Variants in PROZ observed in about 807,000 individuals in gnomAD.
The protein encoded by PROZ is vitamin K-dependent protein Z.
In PROZ, 46 loss-of-function variants were observed where a neutral mutation model predicts 34.9. That is an observed-to-expected ratio of 1.32 (90% CI 1.04 to 1.69). The LOEUF is 1.69. Among genes scored for constraint, PROZ ranks in the 40% most tolerant of loss-of-function variants. The pLI is 0.00. For synonymous variants in PROZ, 195 were observed against 208.5 expected, an observed-to-expected ratio of 0.94 and a Z score of 0.56; for missense variants, 530 against 520.4, an observed-to-expected ratio of 1.02 and a Z score of -0.18.
Position 113,163,129 on chromosome 13 carries a change from C to G in PROZ, c.373+7C>G. 2 of 1,542,028 alleles carry G rather than the reference C, an allele frequency of 1.3e-6. No homozygotes were observed. The highest frequency in any genetic ancestry group is 1.8e-6 in the Non-Finnish European group (2 of 1,138,508). ...GGCAGCAACTGCGAGCTGGGTGAGG[C>G]CCCGGCCGTCCCCTTCCCCCAAGGG... is the stretch of plus-strand genomic sequence containing the variant. On this transcript the variant is annotated splice_region_variant and intron_variant, in intron 4 of 7. Coordinates refer to ENST00000375547, the MANE Select transcript of PROZ (RefSeq NM_003891.3).
At chr13:113,160,886 C>T (rs513479) in intron 2 of PROZ, 62 bp from the exon 3 acceptor site, 265,440 of 1,399,162 alleles carry the variant, frequency 0.19, 28,459 homozygotes, top group South Asian at 0.4. Context: ...AGTTCATCTA[C>T]AGGAAAGAAT....
At position 113,161,111 on chromosome 13, in the gene PROZ, G is replaced by A. The variant is rs937112903; in HGVS notation, c.259+139G>A. 139 of 808,988 alleles carry A rather than the reference G, an allele frequency of 1.7e-4. 1 individual carries two copies. Among genetic ancestry groups the A allele is most frequent in the Non-Finnish European group, 2.5e-4 (113 of 459,730 alleles). 50.1% of individuals were successfully genotyped at this position (808,988 alleles called of 1,614,324 possible). A position where few individuals can be genotyped will look rare whatever the true frequency, so the allele number is the denominator to read the frequency against. On this transcript the variant is annotated intron_variant, in intron 3 of 7. Transcript: ENST00000375547. ...GGACCCACGGTGTCTCTCCAGGGAA[G>A]GGCAGCTCCGACTCTCCCCAAGGAC...
intron 7 of PROZ, 142 bp downstream of exon 7, chr13:113,170,672 T>C: frequency 1.5e-6 from 1 of 651,260 alleles, no homozygotes; most frequent in Non-Finnish European, 2.7e-6. Flanking sequence ...GAGATACTTA[T>C]CAACTCAGGA....
chr13:113,170,063 C>A (rs1733250979), intron 6 of PROZ, among the ~76,000 whole-genome samples: 1 of 152,190 alleles, frequency 6.6e-6, no homozygotes, highest in Non-Finnish European at 1.5e-5. Context: ...GTAGCTGAGA[C>A]CGTTGTTTCT....
At position 113,172,310 on chromosome 13, in the gene PROZ, T is replaced by C. The variant is rs768286890; in HGVS notation, c.*205T>C. 3 of 646,100 alleles carry C rather than the reference T, an allele frequency of 4.6e-6. No individual in the cohort carries two copies. The highest frequency in any genetic ancestry group is 8.1e-6 in the Non-Finnish European group (3 of 371,450). The allele number at this position is 646,100 out of a possible 1,614,324, so 40.0% of individuals were successfully genotyped here. ...TGACCTTTCTTTCCCTGGAACTCTT[T>C]ATCTCAATAGAGACCTTAAAAGAAA... is the stretch of plus-strand genomic sequence containing the variant. On this transcript the variant is annotated 3_prime_UTR_variant, in exon 8 of 8. Transcript: ENST00000375547.
chr13:113,171,802 C>T lies in PROZ; in HGVS notation c.900C>T (p.Leu300=), dbSNP rs74115810. The T allele has an allele frequency of 6.2e-7, 1 of 1,613,566 alleles. No individual in the cohort carries two copies. Among genetic ancestry groups the T allele is most frequent in the African/African-American group, 1.3e-5 (1 of 75,054 alleles). The stretch of plus-strand genomic sequence containing the variant: ...TCATCCCACGCACCAGGGGCCTCCT[C>T]AGCGGCTGGGCACGCAATGGCACTG... ...HLLIPRTRGL[L]SGWARNGTDL... The change falls in exon 8 of 8, where the codon CTC becomes CTT. Residue 300 remains leucine, a synonymous_variant. Coordinates refer to ENST00000375547, the MANE Select transcript of PROZ (RefSeq NM_003891.3). The surrounding 1 kb of genome is among the most constrained non-coding windows in gnomAD (Gnocchi z 5.1).
chr13:113,163,115 C>T lies in PROZ; in HGVS notation c.366C>T (p.Cys122=), dbSNP rs1423709788. The T allele has an allele frequency of 9.0e-6, 14 of 1,552,152 alleles. No homozygotes were observed. Among genetic ancestry groups the T allele is most frequent in the East Asian group, 4.9e-5 (2 of 41,104 alleles). Reference sequence around the variant, plus strand: ...CCCCCGGCTATGAGGGCAGCAACTGCGAGCTGGGTGAGGCCCCGGCCGTCC... The same window carrying T: ...CCCCCGGCTATGAGGGCAGCAACTGTGAGCTGGGTGAGGCCCCGGCCGTCC... ...TCSPGYEGSN[C]ELAKNECHPE... is the part of the protein sequence containing the mutation. Residue 122 remains cysteine, a synonymous_variant, in exon 4 of 8, where the codon TGC becomes TGT. Transcript: ENST00000375547.
chr13:113,167,186 C>T (rs578188567), intron 6 of PROZ, among the ~76,000 whole-genome samples: 1 of 152,186 alleles, frequency 6.6e-6, no homozygotes, highest in Non-Finnish European at 1.5e-5. Flanking sequence ...CACTAAAAGT[C>T]TGGCAGACTG....
intron 6 of PROZ, among the ~76,000 whole-genome samples, chr13:113,167,621 T>G (rs1248434248): frequency 6.6e-6 from 1 of 152,238 alleles, no homozygotes; most frequent in Non-Finnish European, 1.5e-5. Context: ...TGACTTATCT[T>G]TTTCCAATCT....
At chr13:113,162,726 C>T (rs1256517491) in intron 3 of PROZ, among the ~76,000 whole-genome samples, 5 of 42,076 alleles carry the variant, frequency 1.2e-4, no homozygotes, top group African/African-American at 3.0e-4. Context: ...TGCCACCTCC[C>T]CACATCCTCC....
In PROZ at chr13:113,159,120, C is replaced by A; in HGVS notation, c.70+390C>A. Reference sequence around the variant, plus strand: ...GCAGAGAGAGCCTTGGCCAGGCCAGCCAGGAATGCCCAGTCTTGAGTCAGG... The same window carrying A: ...GCAGAGAGAGCCTTGGCCAGGCCAGACAGGAATGCCCAGTCTTGAGTCAGG... On this transcript the variant is annotated intron_variant, in intron 1 of 7. Transcript: ENST00000375547. The surrounding 1 kb of genome is among the most constrained non-coding windows in gnomAD (Gnocchi z 4.6). 8.5e-7 allele frequency: 1 copy of A among 1,173,476 alleles called. No individual in the cohort carries two copies. Among genetic ancestry groups the A allele is most frequent in the Non-Finnish European group, 1.2e-6 (1 of 807,230 alleles). 72.7% of individuals were successfully genotyped at this position (1,173,476 alleles called of 1,614,324 possible). A position where few individuals can be genotyped will look rare whatever the true frequency, so the allele number is the denominator to read the frequency against.
chr13:113,159,308 C>A lies in PROZ; in HGVS notation c.70+578C>A. ...CATCCCCGCTGGCCCCATGGTCTCC[C>A]GCTGGCCCCATGGTCTCCCACCCTG... On this transcript the variant is annotated intron_variant, in intron 1 of 7. Coordinates refer to ENST00000375547, the MANE Select transcript of PROZ (RefSeq NM_003891.3). This position sits in a 1 kb window ranked among gnomAD's most constrained non-coding sequence, Gnocchi z 4.6. The A allele has an allele frequency of 2.0e-6, 3 of 1,499,302 alleles. No individual in the cohort carries two copies. Among genetic ancestry groups the A allele is most frequent in the South Asian group, 1.2e-5 (1 of 82,970 alleles). 92.9% of individuals were successfully genotyped at this position (1,499,302 alleles called of 1,614,324 possible). A position where few individuals can be genotyped will look rare whatever the true frequency, so the allele number is the denominator to read the frequency against.
rs149586261 is a variant in PROZ, at chr13:113,171,607, G to A, written c.705G>A (p.Thr235=). 35 of 1,614,132 alleles carry A rather than the reference G, an allele frequency of 2.2e-5. 1 individual carries two copies. Among genetic ancestry groups the A allele is most frequent in the Middle Eastern group, 1.6e-4 (1 of 6,062 alleles). ...NITVKTYFNR[T]SQDPLMIKIT... ...TCATGATTTCAGATTTTAACAGAAC[G>A]AGCCAAGACCCGCTGATGATCAAGA... Residue 235 remains threonine (T), a synonymous_variant, in exon 8 of 8, where the codon ACG becomes ACA. Transcript: ENST00000375547. This position sits in a 1 kb window ranked among gnomAD's most constrained non-coding sequence, Gnocchi z 5.1.
chr13:113,160,592 T>C (rs762586819), intron 2 of PROZ, among the ~76,000 whole-genome samples: 18 of 152,202 alleles, frequency 1.2e-4, no homozygotes, highest in Non-Finnish European at 1.6e-4. Context: ...GAAAAGGTGA[T>C]GTGACTTCTA....
chr13:113,171,716 C>CA lies in PROZ; in HGVS notation c.815dup (p.Cys273ValfsTer12). On this transcript the variant is annotated frameshift_variant, in exon 8 of 8. Coordinates refer to ENST00000375547, the MANE Select transcript of PROZ (RefSeq NM_003891.3). LOFTEE classifies it low-confidence loss of function (END_TRUNC). This position sits in a 1 kb window ranked among gnomAD's most constrained non-coding sequence, Gnocchi z 5.1. Reference sequence around the variant, plus strand: ...ACTGCTGGAGCTGGAGTGGCCCATCCAGTGCCCAGGTGCGGGGCTCCCCGT... The same window carrying CA: ...ACTGCTGGAGCTGGAGTGGCCCATCCAAGTGCCCAGGTGCGGGGCTCCCCGT... The CA allele has an allele frequency of 6.2e-7, 1 of 1,613,210 alleles. No individual in the cohort carries two copies. The highest frequency in any genetic ancestry group is 1.7e-5 in the Admixed American group (1 of 60,014).
chr13:113,158,854 T>A lies in PROZ; in HGVS notation c.70+124T>A. The A allele has an allele frequency of 1.0e-6, 1 of 955,832 alleles. No homozygotes were observed. Among genetic ancestry groups the A allele is most frequent in the Non-Finnish European group, 1.6e-6 (1 of 614,392 alleles). 59.2% of individuals were successfully genotyped at this position (955,832 alleles called of 1,614,324 possible). On this transcript the variant is annotated intron_variant, in intron 1 of 7. Transcript: ENST00000375547. The surrounding 1 kb of genome is among the most constrained non-coding windows in gnomAD (Gnocchi z 4.3). ...GAGCCCTGAGTGCCCAGACTAGTCT[T>A]AATTCCCCTGAAAAAGCTGTTTGGA... is the stretch of plus-strand genomic sequence containing the variant.
chr13:113,164,735 C>A, intron 5 of PROZ, 91 bp downstream of exon 5: 7 of 1,560,324 alleles, frequency 4.5e-6, no homozygotes, highest in Non-Finnish European at 6.1e-6. Context: ...GTGAAGCCCG[C>A]GGATTTGTGA....
Position 113,158,708 on chromosome 13 carries a change from C to A in PROZ, c.48C>A (p.Ala16=), listed in dbSNP as rs150663126. The change falls in exon 1 of 8, where the codon GCC becomes GCA. Residue 16 remains alanine (A), a synonymous_variant. Transcript: ENST00000375547. The surrounding 1 kb of genome is among the most constrained non-coding windows in gnomAD (Gnocchi z 4.3). ...TCCAGGGCCTGGTCCTGGTCCTCGC[C>A]CTCCATCGTGTGGAGCCCTCAGGTA... is the stretch of plus-strand genomic sequence containing the variant. The part of the protein sequence containing the change: ...PLLQGLVLVL[A]LHRVEPSVFL... 1 of 1,606,270 alleles carries A rather than the reference C, an allele frequency of 6.2e-7. No homozygotes were observed. Among genetic ancestry groups the A allele is most frequent in the East Asian group, 2.2e-5 (1 of 44,460 alleles).
At position 113,172,200 on chromosome 13, in the gene PROZ, C is replaced by A; in HGVS notation, c.*95C>A. The A allele has an allele frequency of 6.6e-7, 1 of 1,514,234 alleles. No homozygotes were observed. Among genetic ancestry groups the A allele is most frequent in the South Asian group, 1.2e-5 (1 of 84,726 alleles). The allele number at this position is 1,514,234 out of a possible 1,614,324, so 93.8% of individuals were successfully genotyped here. On this transcript the variant is annotated 3_prime_UTR_variant, in exon 8 of 8. Transcript: ENST00000375547. ...GAGGGCGCTGAAACTTCATCACACA[C>A]TGAGAGGCCGTCACAGCCCCAGACC...
Sources: allele counts gnomAD v4.1 joint callset (sites outside exome capture counted in the v4.1 genomes callset), GRCh38; gene constraint gnomAD v4.1.1; non-coding constraint Gnocchi (gnomAD v3.1); transcripts MANE v1.5; gene names NCBI Gene and HGNC (gene_info 2026-07-23, HGNC 2026-07-21).